Variants in ANAPC7 observed in about 807,000 individuals in gnomAD.
The protein encoded by ANAPC7 is anaphase-promoting complex subunit 7.
In ANAPC7, 25 loss-of-function variants were observed where a neutral mutation model predicts 63.3. The ratio of observed to expected loss-of-function variants is 0.39; its 90% CI spans 0.29 to 0.55. The LOEUF is 0.55. ANAPC7 is among the 20% of genes least tolerant of loss of function. The pLI is 0.57. For missense variants in ANAPC7, 516 were observed against 691.7 expected (o/e 0.75, Z 2.85); for synonymous variants, 241 against 251.7 (o/e 0.96, Z 0.40).
At position 110,403,700 on chromosome 12, in the gene ANAPC7, C is replaced by T. The variant is rs1300985381; in HGVS notation, c.-73G>A. ...GCCGGTAGAGGATCCTTAGGGAAGA[C>T]TCCAAAATGGCGGCGTCGCCGGGGT... On this transcript the variant is annotated 5_prime_UTR_variant, in exon 1 of 11. Coordinates refer to ENST00000455511, the MANE Select transcript of ANAPC7 (RefSeq NM_016238.3). 4 of 1,552,072 alleles carry T rather than the reference C, an allele frequency of 2.6e-6. No homozygotes were observed. The highest frequency in any genetic ancestry group is 2.4e-5 in the East Asian group (1 of 41,008).
chr12:110,389,231 A>G (rs1018396245), intron 3 of ANAPC7, among the ~76,000 whole-genome samples: 5 of 152,192 alleles, frequency 3.3e-5, no homozygotes, highest in South Asian at 4.1e-4. Context: ...AACTGGAATA[A>G]CATTCATTTA....
At position 110,392,931 on chromosome 12, in the gene ANAPC7, G is replaced by A. The variant is rs1052170404; in HGVS notation, c.408+2170C>T. ...CTGCCTCAGCCTCCAGAGTAGCTGAGATTACAGGCATGCGCCACCACACCC... is the reference window on the plus strand; with the variant it reads ...CTGCCTCAGCCTCCAGAGTAGCTGAAATTACAGGCATGCGCCACCACACCC... On this transcript the variant is annotated intron_variant, in intron 3 of 10. Transcript: ENST00000455511. 4.6e-5 allele frequency among the ~76,000 whole-genome samples: 7 copies of A among 152,254 alleles called. No individual in the cohort carries two copies. The South Asian group carries it at 1.5e-3, about 32-fold the overall frequency.
At chr12:110,382,460 AAATATATATATATATATATATAT>A (rs1566264300) in intron 7 of ANAPC7, among the ~76,000 whole-genome samples, 1 of 70,370 alleles carries the variant, frequency 1.4e-5, no homozygotes, top group Non-Finnish European at 3.0e-5. Flanking sequence ...AAAAAAAAAA[AAATATATATATATATATATATAT>A]ATATATATAT....
chr12:110,392,675 T>C (rs1883198292), intron 3 of ANAPC7, among the ~76,000 whole-genome samples: 1 of 152,230 alleles, frequency 6.6e-6, no homozygotes, highest in Non-Finnish European at 1.5e-5. Flanking sequence ...AAAATACTAT[T>C]CTTCTCATTT....
At chr12:110,394,992 G>A (rs1220231974) in intron 3 of ANAPC7, 109 bp downstream of exon 3, 1 of 1,322,900 alleles carries the variant, frequency 7.6e-7, no homozygotes, top group African/African-American at 1.5e-5. Flanking sequence ...ATGAGAATTA[G>A]AATCATGGGT....
chr12:110,397,686 T>C (rs1036973621), intron 1 of ANAPC7, among the ~76,000 whole-genome samples: 8 of 151,540 alleles, frequency 5.3e-5, no homozygotes, highest in African/African-American at 1.9e-4. Flanking sequence ...TCACCTGAGG[T>C]CAGGAGTTTA....
At chr12:110,399,966 C>T (rs1171743748) in intron 1 of ANAPC7, among the ~76,000 whole-genome samples, 4 of 151,752 alleles carry the variant, frequency 2.6e-5, no homozygotes, top group African/African-American at 4.8e-5. Context: ...TGGTGGTGGG[C>T]GCCTGTAATC....
intron 8 of ANAPC7, among the ~76,000 whole-genome samples, chr12:110,381,396 G>A (rs1881832025): frequency 6.6e-6 from 1 of 152,088 alleles, no homozygotes; most frequent in African/African-American, 2.4e-5. Flanking sequence ...GAGTGCAGTG[G>A]CGCAATCTTG....
rs772072113 is a variant in ANAPC7, at chr12:110,386,463, T to C, written c.681A>G (p.Leu227=). The C allele has an allele frequency of 7.5e-6, 12 of 1,609,998 alleles. No individual in the cohort carries two copies. The highest frequency in any genetic ancestry group is 6.8e-5 in the Admixed American group (4 of 58,868). Residue 227 remains leucine (L), a synonymous_variant, in exon 6 of 11, where the codon CTA becomes CTG. Coordinates refer to ENST00000455511, the MANE Select transcript of ANAPC7 (RefSeq NM_016238.3). ...TATCTCGCAATAAGGATTTTTTCTC[T>C]AGTGAACTTTAAGATATTTATTAAA... The part of the protein sequence containing the change: ...NSRAISTICS[L]EKKSLLRDNV...
chr12:110,392,740 T>C (rs1350209393), intron 3 of ANAPC7, among the ~76,000 whole-genome samples: 1 of 152,248 alleles, frequency 6.6e-6, no homozygotes, highest in Non-Finnish European at 1.5e-5. Flanking sequence ...AAGTTCACAC[T>C]GCACACAGCT....
chr12:110,387,724 C>A lies in ANAPC7; in HGVS notation c.674+15G>T. On this transcript the variant is annotated intron_variant, in intron 5 of 10. Transcript: ENST00000455511. ...AAGGGCCTCAAGAACACTGAATTAA[C>A]TTTGTGGCTCTCACCAGATGGTACT... is the stretch of plus-strand genomic sequence containing the variant. The A allele has an allele frequency of 6.3e-7, 1 of 1,594,600 alleles. No individual in the cohort carries two copies. Among genetic ancestry groups the A allele is most frequent in the Non-Finnish European group, 8.6e-7 (1 of 1,164,956 alleles).
intron 10 of ANAPC7, chr12:110,375,857 T>C: frequency 7.9e-7 from 1 of 1,273,846 alleles, no homozygotes; most frequent in Non-Finnish European, 9.9e-7. Context: ...TGGTTATGAG[T>C]GAAACAGTTC....
intron 10 of ANAPC7, 135 bp downstream of exon 10, chr12:110,375,931 T>A (rs1881225256): frequency 7.5e-7 from 1 of 1,330,460 alleles, no homozygotes; most frequent in African/African-American, 1.5e-5. Context: ...AAATAACTCT[T>A]CTACCATTAC....
intron 1 of ANAPC7, among the ~76,000 whole-genome samples, chr12:110,397,522 G>A (rs1243307349): frequency 2.0e-5 from 3 of 146,930 alleles, no homozygotes; most frequent in Admixed American, 2.0e-4. Flanking sequence ...CACTGCACTC[G>A]CACTCCAGCC....
At chr12:110,375,990 C>T in intron 10 of ANAPC7, 76 bp downstream of exon 10, 2 of 1,466,916 alleles carry the variant, frequency 1.4e-6, no homozygotes, top group Non-Finnish European at 1.8e-6. Context: ...TGTGTGTTTC[C>T]ATAACTCCTG....
chr12:110,385,878 G>A (rs1218875585), intron 6 of ANAPC7, among the ~76,000 whole-genome samples: 3 of 152,132 alleles, frequency 2.0e-5, no homozygotes, highest in Non-Finnish European at 4.4e-5. Flanking sequence ...TCTTTTTCAA[G>A]ATCAGTGATT....
At chr12:110,388,678 T>C in intron 3 of ANAPC7, 55 bp from the exon 4 acceptor site, 2 of 1,330,188 alleles carry the variant, frequency 1.5e-6, no homozygotes, top group Non-Finnish European at 2.2e-6. Flanking sequence ...AAAGAAAATC[T>C]CTCACCATGA....
In ANAPC7 at chr12:110,403,545, G is replaced by A. The variant is rs1464584577; in HGVS notation, c.83C>T (p.Thr28Ile). 2.5e-6 allele frequency: 4 copies of A among 1,605,046 alleles called. No homozygotes were observed. The Admixed American group carries it at 6.9e-5, about 27-fold the overall frequency. Residue 28 changes from threonine (T) to isoleucine (I), a missense_variant, in exon 1 of 11, where the codon ACA (threonine) becomes ATA (isoleucine). Physicochemically the swap from Thr to Ile is moderately conservative, Grantham distance 89 (BLOSUM62 -1). Coordinates refer to ENST00000455511, the MANE Select transcript of ANAPC7 (RefSeq NM_016238.3). ...AACTCACGGGTTGTTATTACTCATT[G>A]TAAGTAACAAGCTGCTGAGGAGCCG... is the stretch of plus-strand genomic sequence containing the variant. ...NVRLLSSLLL[T>I]MSNNNPELFS...
chr12:110,396,459 A>G lies in ANAPC7; in HGVS notation c.102-7T>C. 1.3e-6 allele frequency: 2 copies of G among 1,586,654 alleles called. No homozygotes were observed. The highest frequency in any genetic ancestry group is 2.3e-5 in the South Asian group (2 of 86,670). ...AGGTGGGGAGAATAACTCACTAGAA[A>G]ACAAGAGAAAATGTAATACATCTTT... On this transcript the variant is annotated splice_region_variant and splice_polypyrimidine_tract_variant and intron_variant, in intron 1 of 10. Coordinates refer to ENST00000455511, the MANE Select transcript of ANAPC7 (RefSeq NM_016238.3).
Sources: allele counts gnomAD v4.1 joint callset (sites outside exome capture counted in the v4.1 genomes callset), GRCh38; gene constraint gnomAD v4.1.1; transcripts MANE v1.5; gene names NCBI Gene and HGNC (gene_info 2026-07-23, HGNC 2026-07-21).